The following RANBP2 variants were observed in gnomAD, a reference collection of about 807,000 sequenced individuals.
RANBP2 encodes RAN binding protein 2.
A neutral mutation model predicts 303.6 loss-of-function variants in RANBP2; 57 were observed. That is an observed-to-expected ratio of 0.19 (90% confidence interval 0.15 to 0.23). RANBP2 has a LOEUF of 0.23. Ranked by LOEUF, RANBP2 falls within the 10% of genes least tolerant of loss-of-function variation. The probability of loss-of-function intolerance (pLI) is 1.00; values close to 1 mark genes in which losing one functional copy is unlikely to be tolerated. For missense variants in RANBP2, 3,138 were observed against 3,780.8 expected, an observed-to-expected ratio of 0.83 and a Z score of 4.46; for synonymous variants, 1,167 against 1,301.5, an observed-to-expected ratio of 0.90 and a Z score of 2.23.
At chr2:109,441,820 A>G in the RANBP2 span, among the ~76,000 whole-genome samples, 2 of 152,232 alleles carry the variant, frequency 1.3e-5, no homozygotes, top group Admixed American at 6.5e-5. Flanking sequence ...GATACATTAC[A>G]TGAAATAGAA....
chr2:109,367,048 G>A, the RANBP2 span, among the ~76,000 whole-genome samples: 3 of 151,536 alleles, frequency 2.0e-5, no homozygotes, highest in Non-Finnish European at 2.9e-5. Flanking sequence ...TCACCTCCTG[G>A]TTCAAGAGAT....
chr2:109,108,399 C>T, the RANBP2 span, among the ~76,000 whole-genome samples: 3 of 152,154 alleles, frequency 2.0e-5, no homozygotes, highest in African/African-American at 4.8e-5. Context: ...ACACATAGTT[C>T]ATCATTTAAA....
At chr2:108,961,836 A>T in the RANBP2 span, among the ~76,000 whole-genome samples, 1 of 152,178 alleles carries the variant, frequency 6.6e-6, no homozygotes, top group Non-Finnish European at 1.5e-5. Flanking sequence ...CCCTTGCTTC[A>T]CACTAATGGC....
chr2:108,817,373 G>C, the RANBP2 span, among the ~76,000 whole-genome samples: 2 of 151,648 alleles, frequency 1.3e-5, no homozygotes, highest in Non-Finnish European at 2.9e-5. Context: ...GCTCACTGCA[G>C]CCTCCACCTC....
the RANBP2 span, among the ~76,000 whole-genome samples, chr2:109,238,449 TTGTGTGTG>T: frequency 0.065 from 9,291 of 142,604 alleles, 311 homozygotes; most frequent in South Asian, 0.073. Flanking sequence ...TTATGTATAT[TTGTGTGTG>T]TGTGTGTGTG....
the RANBP2 span, among the ~76,000 whole-genome samples, chr2:109,743,043 G>C: frequency 1.3e-5 from 2 of 148,216 alleles, no homozygotes; most frequent in Admixed American, 6.7e-5. Flanking sequence ...GGCGGAGATG[G>C]GAGAATCACT....
chr2:108,782,184 A>G lies in RANBP2; in HGVS notation c.8817A>G (p.Lys2939=), dbSNP rs748747930. ...AAATTTTGTTTAAAGAGAGAGCCAAACTTTATAGATGGGATCGGGATGTCA... is the reference window on the plus strand; with the variant it reads ...AAATTTTGTTTAAAGAGAGAGCCAAGCTTTATAGATGGGATCGGGATGTCA... The part of the protein sequence containing the change: ...DEEILFKERA[K]LYRWDRDVSQ... The change falls in exon 27 of 29, where the codon AAA becomes AAG. Residue 2939 remains lysine (K), a synonymous_variant. Transcript: ENST00000283195. 2 of 1,614,202 alleles carry G rather than the reference A, an allele frequency of 1.2e-6. No homozygotes were observed. The highest frequency in any genetic ancestry group is 1.7e-6 in the Non-Finnish European group (2 of 1,180,016).
At chr2:109,475,612 C>T in the RANBP2 span, among the ~76,000 whole-genome samples, 2 of 152,320 alleles carry the variant, frequency 1.3e-5, no homozygotes, top group African/African-American at 4.8e-5. Flanking sequence ...ACTATCAGAG[C>T]CAGATAATCC....
the RANBP2 span, among the ~76,000 whole-genome samples, chr2:109,594,057 C>G: frequency 3.9e-5 from 6 of 152,096 alleles, no homozygotes; most frequent in South Asian, 2.1e-4. Flanking sequence ...TGTATAGACA[C>G]AGGTCTGATT....
chr2:109,511,535 A>G, the RANBP2 span, among the ~76,000 whole-genome samples: 1 of 152,228 alleles, frequency 6.6e-6, no homozygotes, highest in Non-Finnish European at 1.5e-5. Context: ...TGCCTGGACC[A>G]CATGGCAATC....
the RANBP2 span, among the ~76,000 whole-genome samples, chr2:109,269,882 T>G: frequency 6.6e-6 from 1 of 152,210 alleles, no homozygotes; most frequent in African/African-American, 2.4e-5. Context: ...TACATCATCC[T>G]CAGTCCCAGT....
chr2:108,898,573 A>T, the RANBP2 span, among the ~76,000 whole-genome samples: 1 of 152,192 alleles, frequency 6.6e-6, no homozygotes, highest in African/African-American at 2.4e-5. Context: ...AGAACCAAGA[A>T]GATGTCAAAT....
chr2:109,188,120 A>T, the RANBP2 span, among the ~76,000 whole-genome samples: 1 of 152,206 alleles, frequency 6.6e-6, no homozygotes, highest in African/African-American at 2.4e-5. Context: ...TCGGACATCT[A>T]ATGAGCATGG....
chr2:109,730,957 T>G, the RANBP2 span, among the ~76,000 whole-genome samples: 1 of 151,846 alleles, frequency 6.6e-6, no homozygotes, highest in Non-Finnish European at 1.5e-5. Flanking sequence ...CCCAGCTAAT[T>G]TTGTATTTTT....
At chr2:109,219,336 C>A in the RANBP2 span, among the ~76,000 whole-genome samples, 2 of 152,178 alleles carry the variant, frequency 1.3e-5, no homozygotes, top group African/African-American at 4.8e-5. Context: ...CTTTAATTTG[C>A]CAAGTAAAAT....
chr2:109,005,663 C>T, the RANBP2 span, among the ~76,000 whole-genome samples: 2 of 152,198 alleles, frequency 1.3e-5, no homozygotes, highest in Admixed American at 1.3e-4. Context: ...AATTAAACTG[C>T]GGGCACACAG....
chr2:108,872,807 C>T, the RANBP2 span, among the ~76,000 whole-genome samples: 3 of 152,186 alleles, frequency 2.0e-5, no homozygotes, highest in African/African-American at 4.8e-5. Context: ...ATTCAAACTA[C>T]AGCATTCTGC....
the RANBP2 span, among the ~76,000 whole-genome samples, chr2:109,087,570 T>C: frequency 1.3e-5 from 2 of 152,180 alleles, no homozygotes; most frequent in Non-Finnish European, 2.9e-5. Flanking sequence ...GCCAGGAGAC[T>C]TGGAGTCAGA....
chr2:109,267,713 CCCTT>C, the RANBP2 span, among the ~76,000 whole-genome samples: 1 of 152,240 alleles, frequency 6.6e-6, no homozygotes, highest in Non-Finnish European at 1.5e-5. Context: ...CTTTTACTCT[CCCTT>C]CCCTGTTTCT....
Sources: gnomAD v4.1 joint callset for allele counts (sites outside exome capture counted in the v4.1 genomes callset) on GRCh38, gnomAD v4.1.1 for gene constraint, MANE v1.5 for transcripts, NCBI Gene and HGNC (gene_info 2026-07-23, HGNC 2026-07-21) for gene names.